The following TMEM135 variants were observed in gnomAD, a reference collection of about 807,000 sequenced individuals.
The protein encoded by TMEM135 is peroxisomal membrane protein 52.
In TMEM135, 30 loss-of-function variants were observed where a neutral mutation model predicts 60.3. That is an observed-to-expected ratio of 0.50 (90% CI 0.37 to 0.68). The LOEUF (loss-of-function observed/expected upper bound fraction) is 0.68. Among genes scored for constraint, TMEM135 ranks in the 30% least tolerant of loss-of-function variants. The pLI is 0.00. For missense variants in TMEM135, 468 were observed against 548.8 expected (o/e 0.85, Z 1.47); for synonymous variants, 190 against 186.7 (o/e 1.02, Z -0.14).
Position 87,227,048 on chromosome 11 carries a change from C to T in TMEM135, c.463-9590C>T, listed in dbSNP as rs546696200. On this transcript the variant is annotated intron_variant, in intron 5 of 14. Coordinates refer to ENST00000305494, the MANE Select transcript of TMEM135 (RefSeq NM_022918.4). ...TGGGCAATAGAGTGAGACTCCATTT[C>T]AAAAAAAGAAAAACAAAAACAAAAA... 2.0e-5 allele frequency among the ~76,000 whole-genome samples: 3 copies of T among 151,706 alleles called. No homozygotes were observed. The South Asian group carries it at 6.3e-4, about 32-fold the overall frequency.
At chr11:87,249,742 A>G (rs944650958) in intron 6 of TMEM135, among the ~76,000 whole-genome samples, 4 of 151,996 alleles carry the variant, frequency 2.6e-5, no homozygotes, top group African/African-American at 9.7e-5. Flanking sequence ...GGATTTTTGT[A>G]TCAGTGTTCA....
At chr11:87,302,627 C>G (rs759646947) in intron 8 of TMEM135, among the ~76,000 whole-genome samples, 185 bp downstream of exon 8, 11 of 152,340 alleles carry the variant, frequency 7.2e-5, no homozygotes, top group Non-Finnish European at 1.5e-4. Flanking sequence ...TCTGGCAGGA[C>G]TGTAGACCAG....
At chr11:87,073,517 A>G (rs1172488935) in intron 3 of TMEM135, among the ~76,000 whole-genome samples, 1 of 152,034 alleles carries the variant, frequency 6.6e-6, no homozygotes, top group African/African-American at 2.4e-5. Flanking sequence ...AACATAGGTT[A>G]CTCCACCTGA....
At chr11:87,134,538 A>G (rs577776731) in intron 4 of TMEM135, among the ~76,000 whole-genome samples, 78 of 152,338 alleles carry the variant, frequency 5.1e-4, no homozygotes, top group African/African-American at 1.8e-3. Context: ...GCTGGAGTGC[A>G]ATAGCATTAT....
chr11:87,321,062 A>C (rs1942811097), intron 14 of TMEM135, 139 bp from the exon 15 acceptor site: 13 of 680,000 alleles, frequency 1.9e-5, no homozygotes, highest in South Asian at 1.9e-4. Flanking sequence ...ATGTGACTTG[A>C]ATCTGCCATT....
At chr11:87,260,533 T>A (rs1181902336) in intron 6 of TMEM135, among the ~76,000 whole-genome samples, 2 of 64,420 alleles carry the variant, frequency 3.1e-5, no homozygotes, top group African/African-American at 9.2e-5. Context: ...TATTATCTAT[T>A]TTTTTTTGGA....
At chr11:87,210,729 A>C (rs539702881) in intron 5 of TMEM135, among the ~76,000 whole-genome samples, 4 of 152,288 alleles carry the variant, frequency 2.6e-5, no homozygotes, top group East Asian at 3.9e-4. Flanking sequence ...TCCCTGATGA[A>C]TATAGATGCA....
chr11:87,231,464 T>G (rs1314908254), intron 5 of TMEM135, among the ~76,000 whole-genome samples: 2 of 152,230 alleles, frequency 1.3e-5, no homozygotes, highest in Non-Finnish European at 2.9e-5. Context: ...TTTCATTTCT[T>G]GTTAAAATAT....
At chr11:87,103,414 T>C (rs940508402) in intron 4 of TMEM135, among the ~76,000 whole-genome samples, 2 of 152,080 alleles carry the variant, frequency 1.3e-5, no homozygotes, top group African/African-American at 4.8e-5. Flanking sequence ...GTGATTTTAA[T>C]TTGCATTTCC....
At chr11:87,250,556 T>C (rs1941392622) in intron 6 of TMEM135, among the ~76,000 whole-genome samples, 2 of 152,132 alleles carry the variant, frequency 1.3e-5, no homozygotes, top group South Asian at 4.1e-4. Context: ...GAGTGTATTG[T>C]TTAATGTCTA....
intron 4 of TMEM135, among the ~76,000 whole-genome samples, chr11:87,143,965 G>T (rs1321823659): frequency 6.6e-6 from 1 of 152,050 alleles, no homozygotes; most frequent in East Asian, 1.9e-4. Context: ...GCATTTTGTT[G>T]TTCTTCCAAT....
intron 6 of TMEM135, among the ~76,000 whole-genome samples, chr11:87,294,711 C>G (rs1315337116): frequency 6.6e-6 from 1 of 152,144 alleles, no homozygotes; most frequent in African/African-American, 2.4e-5. Context: ...TAAGAATATC[C>G]AGTGTCTTTA....
At chr11:87,318,518 T>C (rs951634755) in intron 13 of TMEM135, among the ~76,000 whole-genome samples, 1 of 151,936 alleles carries the variant, frequency 6.6e-6, no homozygotes. Flanking sequence ...TTGGGAAGAA[T>C]GCCCCAATTT....
intron 5 of TMEM135, among the ~76,000 whole-genome samples, chr11:87,221,479 A>T (rs1022048086): frequency 5.9e-5 from 9 of 152,216 alleles, no homozygotes; most frequent in Non-Finnish European, 1.3e-4. Context: ...TTGTATAAAC[A>T]TTTCCAGATT....
chr11:87,082,684 T>C (rs1363938182), intron 3 of TMEM135, among the ~76,000 whole-genome samples: 4 of 152,154 alleles, frequency 2.6e-5, no homozygotes, highest in Non-Finnish European at 5.9e-5. Context: ...AGGTCTAAGA[T>C]TGAACGTTTA....
intron 4 of TMEM135, among the ~76,000 whole-genome samples, chr11:87,140,483 C>T (rs1938232842): frequency 6.6e-6 from 1 of 152,096 alleles, no homozygotes; most frequent in South Asian, 2.1e-4. Context: ...AGTTGTTCTG[C>T]CTCCTTCTAT....
At chr11:87,086,673 G>A (rs1224107074) in intron 3 of TMEM135, among the ~76,000 whole-genome samples, 3 of 152,134 alleles carry the variant, frequency 2.0e-5, no homozygotes, top group African/African-American at 4.8e-5. Context: ...CTACTCAAAG[G>A]TGGGCATGAC....
chr11:87,252,261 T>C (rs1941432749), intron 6 of TMEM135, among the ~76,000 whole-genome samples: 1 of 152,090 alleles, frequency 6.6e-6, no homozygotes, highest in Non-Finnish European at 1.5e-5. Flanking sequence ...GAATAGAGTC[T>C]AAACTCTGGT....
At chr11:87,218,796 T>A (rs1320923267) in intron 5 of TMEM135, among the ~76,000 whole-genome samples, 1 of 152,084 alleles carries the variant, frequency 6.6e-6, no homozygotes, top group Non-Finnish European at 1.5e-5. Context: ...ACCCCGTCTC[T>A]ACTAAAAATA....
Sources: allele counts gnomAD v4.1 joint callset (sites outside exome capture counted in the v4.1 genomes callset), GRCh38; gene constraint gnomAD v4.1.1; transcripts MANE v1.5; gene names NCBI Gene and HGNC (gene_info 2026-07-23, HGNC 2026-07-21).